CD59: variants seen among roughly 807,000 people sequenced by gnomAD.
CD59 encodes the protein CD59 molecule (CD59 blood group).
A neutral mutation model predicts 7.0 loss-of-function variants in CD59; 3 were observed. The ratio of observed to expected loss-of-function variants is 0.43; its 90% CI spans 0.19 to 1.10. The LOEUF (loss-of-function observed/expected upper bound fraction) is 1.10, where lower values mean the gene tolerates loss of function less well. Among genes scored for constraint, CD59 ranks in the 50% least tolerant of loss-of-function variants. The probability of loss-of-function intolerance (pLI) is 0.29; values close to 1 mark genes in which losing one functional copy is unlikely to be tolerated. For synonymous variants in CD59, 60 were observed against 62.0 expected, an observed-to-expected ratio of 0.97 and a Z score of 0.15; for missense variants, 143 against 151.0, an observed-to-expected ratio of 0.95 and a Z score of 0.28.
chr11:33,727,612 C>A (rs945540023), intron 1 of CD59, among the ~76,000 whole-genome samples: 2 of 152,204 alleles, frequency 1.3e-5, no homozygotes, highest in East Asian at 1.9e-4. Flanking sequence ...AAAACTGGCA[C>A]AAGACAAGGA....
rs1457484403 is a variant in CD59, at chr11:33,717,371, A to G, written c.168T>C (p.Ala56=). Residue 56 remains alanine, a splice_region_variant and synonymous_variant, in exon 3 of 4, where the codon GCT becomes GCC. Coordinates refer to ENST00000642928, the MANE Select transcript of CD59 (RefSeq NM_000611.6). The stretch of plus-strand genomic sequence containing the variant: ...GAGACAGACAGGGGAGGCTCTTACC[A>G]GCTTTGGTAATGAGACACGCATCAA... ...SDFDACLITK[A]GLQVYNKCWK... 1 of 1,605,030 alleles carries G rather than the reference A, an allele frequency of 6.2e-7. No individual in the cohort carries two copies. Among genetic ancestry groups the G allele is most frequent in the African/African-American group, 1.3e-5 (1 of 74,828 alleles).
At chr11:33,716,093 T>C (rs747378417) in intron 3 of CD59, among the ~76,000 whole-genome samples, 1 of 152,178 alleles carries the variant, frequency 6.6e-6, no homozygotes, top group Non-Finnish European at 1.5e-5. Context: ...TGAATGAATA[T>C]GGTCTTCCAG....
Position 33,710,288 on chromosome 11 carries a change from G to C in CD59, c.225C>G (p.Val75=). ...GCTCATTTTCCCTCAAGCGGGTTGT[G>C]ACGTCGTTGAAATTGCAATGCTCAA... The part of the protein sequence containing the change: ...WKFEHCNFND[V]TTRLRENELT... Residue 75 remains valine (V), a synonymous_variant, in exon 4 of 4, where the codon GTC becomes GTG. Coordinates refer to ENST00000642928, the MANE Select transcript of CD59 (RefSeq NM_000611.6). 6.2e-7 allele frequency: 1 copy of C among 1,614,178 alleles called. No individual in the cohort carries two copies. Among genetic ancestry groups the C allele is most frequent in the Non-Finnish European group, 8.5e-7 (1 of 1,180,014 alleles).
At chr11:33,726,799 A>T (rs1285094975) in intron 1 of CD59, among the ~76,000 whole-genome samples, 5 of 152,214 alleles carry the variant, frequency 3.3e-5, no homozygotes, top group African/African-American at 1.2e-4. Flanking sequence ...AGAAGGAAAG[A>T]GAGAAGAATC....
intron 1 of CD59, among the ~76,000 whole-genome samples, chr11:33,728,571 G>C (rs1476869632): frequency 1.3e-5 from 2 of 152,146 alleles, no homozygotes; most frequent in Admixed American, 6.5e-5. Context: ...AAAAACCCTA[G>C]AAGAAAACCT....
chr11:33,705,526 C>G lies in CD59; in HGVS notation c.*4600G>C, dbSNP rs1853275529. The G allele has an allele frequency of 6.6e-6, 1 of 152,236 alleles. No homozygotes were observed. The highest frequency in any genetic ancestry group is 6.5e-5 in the Admixed American group (1 of 15,278). The allele number at this position is 152,236 out of a possible 1,614,324, so 9.4% of individuals were successfully genotyped here. A position where few individuals can be genotyped will look rare whatever the true frequency, so the allele number is the denominator to read the frequency against. On this transcript the variant is annotated 3_prime_UTR_variant, in exon 4 of 4. Transcript: ENST00000642928. Reference sequence around the variant, plus strand: ...GACATCAGACTCCAGGTTCTTCAGCCTTTGGAATCTAGGACTTGCACCAGT... The same window carrying G: ...GACATCAGACTCCAGGTTCTTCAGCGTTTGGAATCTAGGACTTGCACCAGT...
intron 1 of CD59, among the ~76,000 whole-genome samples, chr11:33,730,969 C>T (rs945675034): frequency 6.6e-6 from 1 of 152,168 alleles, no homozygotes; most frequent in East Asian, 1.9e-4. Flanking sequence ...AACTATAGTA[C>T]AGAACTGTAA....
intron 2 of CD59, among the ~76,000 whole-genome samples, chr11:33,721,155 A>T (rs1854042876): frequency 6.6e-6 from 1 of 152,264 alleles, no homozygotes. Context: ...ATAGTGTTTT[A>T]ACACAGGTGA....
chr11:33,730,431 A>T (rs931280019), intron 1 of CD59, among the ~76,000 whole-genome samples: 4 of 152,298 alleles, frequency 2.6e-5, no homozygotes, highest in Admixed American at 2.0e-4. Context: ...TAAATTATTA[A>T]AACTTACACA....
chr11:33,717,363 C>A lies in CD59; in HGVS notation c.169+7G>T. ...ACATTTAGGAGACAGACAGGGGAGG[C>A]TCTTACCAGCTTTGGTAATGAGACA... On this transcript the variant is annotated splice_region_variant and intron_variant, in intron 3 of 3. Transcript: ENST00000642928. 2 of 1,584,568 alleles carry A rather than the reference C, an allele frequency of 1.3e-6. No individual in the cohort carries two copies. Among genetic ancestry groups the A allele is most frequent in the East Asian group, 4.5e-5 (2 of 44,744 alleles).
rs1361925931 is a variant in CD59, at chr11:33,707,235, G to A, written c.*2891C>T. 6.6e-6 allele frequency: 1 copy of A among 152,220 alleles called. No individual in the cohort carries two copies. Among genetic ancestry groups the A allele is most frequent in the African/African-American group, 2.4e-5 (1 of 41,450 alleles). The allele number at this position is 152,220 out of a possible 1,614,324, so 9.4% of individuals were successfully genotyped here. A position where few individuals can be genotyped will look rare whatever the true frequency, so the allele number is the denominator to read the frequency against. On this transcript the variant is annotated 3_prime_UTR_variant, in exon 4 of 4. Transcript: ENST00000642928. ...CAACAGAAACTAATGCGAGCTAGTA[G>A]ACTTTGAACACTGCTAAAGAACTTA...
intron 3 of CD59, among the ~76,000 whole-genome samples, chr11:33,715,269 G>A (rs543438534): frequency 6.6e-6 from 1 of 152,198 alleles, no homozygotes; most frequent in South Asian, 2.1e-4. Context: ...ATCCACAGTA[G>A]CTATACTGGT....
chr11:33,731,991 A>G (rs1854431469), intron 1 of CD59, among the ~76,000 whole-genome samples: 1 of 151,952 alleles, frequency 6.6e-6, no homozygotes. Context: ...TGTGGTAGTG[A>G]ATAAGTCACA....
chr11:33,730,953 A>G (rs1854398739), intron 1 of CD59, among the ~76,000 whole-genome samples: 1 of 152,228 alleles, frequency 6.6e-6, no homozygotes, highest in Admixed American at 6.5e-5. Flanking sequence ...AACTGATGGT[A>G]TCAATAACTA....
chr11:33,711,257 G>C (rs1853544708), intron 3 of CD59: 1 of 585,872 alleles, frequency 1.7e-6, no homozygotes, highest in Middle Eastern at 3.0e-4. Context: ...GTTTGAGGCG[G>C]GAAGTTTCAG....
At chr11:33,720,488 C>G (rs1050950981) in intron 2 of CD59, among the ~76,000 whole-genome samples, 1 of 152,152 alleles carries the variant, frequency 6.6e-6, no homozygotes, top group African/African-American at 2.4e-5. Context: ...CATTTGAGGT[C>G]AGGAATTCCA....
intron 1 of CD59, among the ~76,000 whole-genome samples, chr11:33,734,242 C>T (rs1410546302): frequency 6.6e-6 from 1 of 152,228 alleles, no homozygotes; most frequent in East Asian, 1.9e-4. Flanking sequence ...AGAAAACAAC[C>T]ATCATAACGG....
At position 33,710,353 on chromosome 11, in the gene CD59, GAC is replaced by G; in HGVS notation, c.170-12_170-11del. On this transcript the variant is annotated splice_polypyrimidine_tract_variant and intron_variant, in intron 3 of 3. Coordinates refer to ENST00000642928, the MANE Select transcript of CD59 (RefSeq NM_000611.6). ...TTATACACTTGTAACCCTGTGGGGA[GAC>G]ACACACAAGGGTAAGAAAGTAAGTG... The G allele has an allele frequency of 6.2e-7, 1 of 1,605,688 alleles. No individual in the cohort carries two copies. Among genetic ancestry groups the G allele is most frequent in the Non-Finnish European group, 8.5e-7 (1 of 1,172,276 alleles).
rs1055094318 is a variant in CD59, at chr11:33,704,769, A to G, written c.*5357T>C. On this transcript the variant is annotated 3_prime_UTR_variant, in exon 4 of 4. Transcript: ENST00000642928. ...CCTCCAAATTGTCACCCTAGCCTTC[A>G]GGGCAAGGCTGCACACACGGCCTCT... is the stretch of plus-strand genomic sequence containing the variant. 3 of 152,574 alleles carry G rather than the reference A, an allele frequency of 2.0e-5. No homozygotes were observed. The highest frequency in any genetic ancestry group is 2.0e-4 in the Admixed American group (3 of 15,278). 9.5% of individuals were successfully genotyped at this position (152,574 alleles called of 1,614,324 possible).
Sources: gnomAD v4.1 joint callset for allele counts (sites outside exome capture counted in the v4.1 genomes callset) on GRCh38, gnomAD v4.1.1 for gene constraint, MANE v1.5 for transcripts, NCBI Gene and HGNC (gene_info 2026-07-23, HGNC 2026-07-21) for gene names.